TG: variants seen among roughly 807,000 people sequenced by gnomAD.
TG encodes the protein thyroglobulin.
TG carries 270 observed loss-of-function variants against 324.7 expected under a neutral mutation model. The observed-to-expected ratio is 0.83, with a 90% CI of 0.75 to 0.92. The LOEUF is 0.92. Ranked by LOEUF, TG falls within the 40% of genes least tolerant of loss-of-function variation. The pLI is 0.00. For synonymous variants in TG, 1,401 were observed against 1,327.0 expected, an observed-to-expected ratio of 1.06 and a Z score of -1.21; for missense variants, 3,591 against 3,456.4, an observed-to-expected ratio of 1.04 and a Z score of -0.98.
intron 8 of TG, among the ~76,000 whole-genome samples, chr8:132,885,017 C>T (rs910259830): frequency 6.6e-6 from 1 of 152,170 alleles, no homozygotes; most frequent in African/African-American, 2.4e-5. Flanking sequence ...CCAATCTTTC[C>T]CCTCCCACCA....
At chr8:132,955,274 C>T (rs765117926) in intron 27 of TG, among the ~76,000 whole-genome samples, 3 of 152,168 alleles carry the variant, frequency 2.0e-5, no homozygotes, top group Non-Finnish European at 4.4e-5. Flanking sequence ...AGCAAACAGG[C>T]CCAGAAACTG....
chr8:132,983,082 G>A (rs959305418), intron 34 of TG, among the ~76,000 whole-genome samples: 7 of 152,226 alleles, frequency 4.6e-5, no homozygotes, highest in Middle Eastern at 3.4e-3. Context: ...CTTGAGAGAC[G>A]ATAACATAGA....
intron 35 of TG, among the ~76,000 whole-genome samples, chr8:132,992,251 T>C (rs1030985225): frequency 4.6e-5 from 7 of 152,202 alleles, no homozygotes; most frequent in African/African-American, 7.2e-5. Context: ...TGTGTGTGTG[T>C]GCATAAGCTC....
chr8:132,979,882 C>T (rs1564031307), intron 34 of TG, among the ~76,000 whole-genome samples: 1 of 152,146 alleles, frequency 6.6e-6, no homozygotes, highest in African/African-American at 2.4e-5. Flanking sequence ...AAGACTGCCC[C>T]CACTTCAGAT....
chr8:133,019,588 G>A lies in TG; in HGVS notation c.6783-14G>A, dbSNP rs1835373351. ...TGGAGCATGTCTTGGAAGTCACCCA[G>A]TCTGTATCTGCAGGGCCAGCTGCTG... On this transcript the variant is annotated splice_polypyrimidine_tract_variant and intron_variant, in intron 38 of 47. Coordinates refer to ENST00000220616, the MANE Select transcript of TG (RefSeq NM_003235.5). The A allele has an allele frequency of 6.2e-7, 1 of 1,612,524 alleles. No individual in the cohort carries two copies. The highest frequency in any genetic ancestry group is 1.3e-5 in the African/African-American group (1 of 74,900).
Position 132,868,130 on chromosome 8 carries a change from C to CCCAG in TG, c.86_89dup (p.Leu31AlafsTer6). ...CTTTTCCTAGAGTACCAGGTGGATG[C>CCCAG]CCAGCCCCTTCGTCCCTGTGAGCTG... On this transcript the variant is annotated frameshift_variant, in exon 2 of 48. Coordinates refer to ENST00000220616, the MANE Select transcript of TG (RefSeq NM_003235.5). LOFTEE classifies it high-confidence loss of function. 1 of 1,614,130 alleles carries CCCAG rather than the reference C, an allele frequency of 6.2e-7. No homozygotes were observed. Among genetic ancestry groups the CCCAG allele is most frequent in the Non-Finnish European group, 8.5e-7 (1 of 1,180,006 alleles).
chr8:132,971,773 C>G, intron 32 of TG, 21 bp from the exon 33 acceptor site: 2 of 1,590,130 alleles, frequency 1.3e-6, no homozygotes, highest in Non-Finnish European at 1.7e-6. Context: ...TTCAGGCCTG[C>G]TCTTTCTCTT....
At chr8:132,901,652 AG>A in intron 16 of TG, 99 bp downstream of exon 16, 2 of 1,302,942 alleles carry the variant, frequency 1.5e-6, no homozygotes, top group South Asian at 2.8e-5. Context: ...CAGGGGTGGG[AG>A]GGGAGGCAGG....
chr8:132,966,981 C>T (rs1828654980), intron 30 of TG, among the ~76,000 whole-genome samples: 1 of 149,522 alleles, frequency 6.7e-6, no homozygotes, highest in Non-Finnish European at 1.5e-5. Context: ...CCATCCATCC[C>T]ATTCATCCAT....
At position 132,868,152 on chromosome 8, in the gene TG, G is replaced by A. The variant is rs374559000; in HGVS notation, c.105G>A (p.Glu35=). Reference sequence around the variant, plus strand: ...ATGCCCAGCCCCTTCGTCCCTGTGAGCTGCAGAGGGAAACGGCCTTTCTGA... The same window carrying A: ...ATGCCCAGCCCCTTCGTCCCTGTGAACTGCAGAGGGAAACGGCCTTTCTGA... ...QVDAQPLRPC[E]LQRETAFLKQ... The change falls in exon 2 of 48, where the codon GAG becomes GAA. Residue 35 remains glutamate (E), a synonymous_variant. Coordinates refer to ENST00000220616, the MANE Select transcript of TG (RefSeq NM_003235.5). The A allele has an allele frequency of 3.2e-5, 51 of 1,614,034 alleles. No homozygotes were observed. Among genetic ancestry groups the A allele is most frequent in the Middle Eastern group, 1.6e-4 (1 of 6,084 alleles).
intron 45 of TG, among the ~76,000 whole-genome samples, chr8:133,127,565 A>G (rs1851614899): frequency 6.6e-6 from 1 of 152,210 alleles, no homozygotes. Context: ...CTCATTTGCT[A>G]AGAAACCTCC....
rs543490760 is a variant in TG, at chr8:132,942,685, A to G, written c.5233+1143A>G. Among the ~76,000 whole-genome samples the G allele has an allele frequency of 1.8e-4, 27 of 152,342 alleles. No individual in the cohort carries two copies. The South Asian group carries it at 5.4e-3, about 30-fold the overall frequency. The stretch of plus-strand genomic sequence containing the variant: ...GGCGTTCAGCAAACATGTTTGGAGC[A>G]CTACTCGGCATCAGGCTTGAGAACT... On this transcript the variant is annotated intron_variant, in intron 26 of 47. Coordinates refer to ENST00000220616, the MANE Select transcript of TG (RefSeq NM_003235.5).
intron 39 of TG, 69 bp downstream of exon 39, chr8:133,019,764 T>C (rs1835390084): frequency 1.5e-6 from 2 of 1,371,372 alleles, no homozygotes; most frequent in South Asian, 1.2e-5. Flanking sequence ...GTCCCCACTG[T>C]GGCCAGCACA....
chr8:132,995,236 T>C (rs1241719749), intron 35 of TG: 3 of 958,696 alleles, frequency 3.1e-6, no homozygotes, highest in Non-Finnish European at 2.5e-6. Flanking sequence ...TGTTACCTAT[T>C]ACCTACAAGT....
intron 41 of TG, among the ~76,000 whole-genome samples, chr8:133,075,469 G>A (rs1844725938): frequency 1.3e-5 from 2 of 152,210 alleles, no homozygotes; most frequent in Admixed American, 1.3e-4. Flanking sequence ...AAACTAGAAA[G>A]AACATTATGA....
chr8:133,116,439 T>C (rs1344819484), intron 44 of TG, among the ~76,000 whole-genome samples, 170 bp from the exon 45 acceptor site: 2 of 152,162 alleles, frequency 1.3e-5, no homozygotes, highest in Non-Finnish European at 2.9e-5. Flanking sequence ...AATGTGGCAG[T>C]GGAGGCACTT....
chr8:133,040,540 C>T (rs1486586769), intron 41 of TG, among the ~76,000 whole-genome samples: 1 of 152,188 alleles, frequency 6.6e-6, no homozygotes, highest in African/African-American at 2.4e-5. Flanking sequence ...CCGCAAATGC[C>T]CAATCCATTA....
chr8:132,887,380 C>G lies in TG; in HGVS notation c.2008C>G (p.Gln670Glu), dbSNP rs753308331. Residue 670 changes from glutamine (Q) to glutamate (E), a missense_variant, in exon 9 of 48, where the codon CAA becomes GAA. Gln to Glu is a conservative substitution (Grantham distance 29). Transcript: ENST00000220616. ...TDCEKQRARMQSLMGSQPAGS... is the reference protein window; with the variant it reads ...TDCEKQRARMESLMGSQPAGS... Reference sequence around the variant, plus strand: ...CTGTGAAAAGCAAAGGGCTCGCATGCAAAGCCTCATGGGCAGCCAGCCTGC... The same window carrying G: ...CTGTGAAAAGCAAAGGGCTCGCATGGAAAGCCTCATGGGCAGCCAGCCTGC... The G allele has an allele frequency of 2.5e-6, 4 of 1,614,082 alleles. No individual in the cohort carries two copies. The East Asian group carries it at 8.9e-5, about 36-fold the overall frequency.
chr8:133,052,028 C>T (rs1840495940), intron 41 of TG, among the ~76,000 whole-genome samples: 1 of 152,170 alleles, frequency 6.6e-6, no homozygotes, highest in Non-Finnish European at 1.5e-5. Flanking sequence ...AGGAACTGTT[C>T]CCTGGTTCGC....
Sources: allele counts gnomAD v4.1 joint callset (sites outside exome capture counted in the v4.1 genomes callset), GRCh38; gene constraint gnomAD v4.1.1; transcripts MANE v1.5; gene names NCBI Gene and HGNC (gene_info 2026-07-23, HGNC 2026-07-21).